Variants in CUX1 observed in about 807,000 individuals in gnomAD.
CUX1 encodes protein CASP.
In CUX1, 31 loss-of-function variants were observed where a neutral mutation model predicts 158.8. The observed-to-expected ratio is 0.20, with a 90% confidence interval of 0.15 to 0.26. The LOEUF is 0.26. Among genes scored for constraint, CUX1 ranks in the 10% least tolerant of loss-of-function variants. The probability of loss-of-function intolerance (pLI) is 1.00; values close to 1 mark genes in which losing one functional copy is unlikely to be tolerated. For missense variants in CUX1, 1,589 were observed against 2,014.6 expected, an observed-to-expected ratio of 0.79 and a Z score of 4.04; for synonymous variants, 879 against 862.1, an observed-to-expected ratio of 1.02 and a Z score of -0.34.
chr7:102,063,523 G>T (rs1393911504), intron 3 of CUX1, among the ~76,000 whole-genome samples: 1 of 151,658 alleles, frequency 6.6e-6, no homozygotes, highest in Non-Finnish European at 1.5e-5. Flanking sequence ...CAAGTAGCTG[G>T]AATTACAGGC....
intron 1 of CUX1, among the ~76,000 whole-genome samples, chr7:101,827,761 G>A (rs1793513743): frequency 6.6e-6 from 1 of 152,130 alleles, no homozygotes; most frequent in African/African-American, 2.4e-5. Context: ...TAAAGAAAAT[G>A]TTATTAAGAA....
In CUX1 at chr7:102,201,806, T is replaced by G. The variant is rs988583082; in HGVS notation, c.2509T>G (p.Ser837Ala). 15 of 1,612,488 alleles carry G rather than the reference T, an allele frequency of 9.3e-6. No individual in the cohort carries two copies. The highest frequency in any genetic ancestry group is 1.2e-5 in the Non-Finnish European group (14 of 1,179,858). ...GCAGCCGGAGAGAAGAAATGCCGCC[T>G]CCTCCGAGGAGGCCAAGGCCGAAGA... ...AVQPERRNAASSEEAKAEETG... is the reference protein window; with the variant it reads ...AVQPERRNAAASEEAKAEETG... The change falls in exon 18 of 24, where the codon TCC becomes GCC. Residue 837 changes from serine to alanine, a missense_variant. This residue lies in a region of CUX1 where 337 missense variants were observed against 409.3 expected (regional missense o/e 0.82). Transcript: ENST00000292535. The surrounding 1 kb of genome is among the most constrained non-coding windows in gnomAD (Gnocchi z 5.0).
chr7:102,064,368 C>T (rs78994275), intron 3 of CUX1, among the ~76,000 whole-genome samples: 10 of 152,140 alleles, frequency 6.6e-5, no homozygotes, highest in African/African-American at 9.7e-5. Flanking sequence ...TTTAAGGGCA[C>T]GGTACCTACC....
At position 102,251,068 on chromosome 7, in the gene CUX1, G is replaced by A. The variant is rs544128688; in HGVS notation, c.*2026G>A. 14 of 985,050 alleles carry A rather than the reference G, an allele frequency of 1.4e-5. No homozygotes were observed. Among genetic ancestry groups the A allele is most frequent in the South Asian group, 9.4e-5 (2 of 21,268 alleles). The allele number at this position is 985,050 out of a possible 1,614,324, so 61.0% of individuals were successfully genotyped here. ...ATATTCTTTAGAGGGATAGACTGCC[G>A]GCAGTATTGGGTATAATTTACAAGA... is the stretch of plus-strand genomic sequence containing the variant. On this transcript the variant is annotated 3_prime_UTR_variant, in exon 24 of 24. Coordinates refer to ENST00000292535, the MANE Select transcript of CUX1 (RefSeq NM_181552.4).
At chr7:101,879,758 A>G (rs781129207) in intron 1 of CUX1, among the ~76,000 whole-genome samples, 2 of 152,214 alleles carry the variant, frequency 1.3e-5, no homozygotes, top group Non-Finnish European at 2.9e-5. Context: ...TCCTTGGTGG[A>G]GCTCCAGCAT....
In CUX1 at chr7:102,148,544, AAAAC is replaced by A. The variant is rs546903161; in HGVS notation, c.675-10004_675-10001del. On this transcript the variant is annotated intron_variant, in intron 8 of 23. Coordinates refer to ENST00000292535, the MANE Select transcript of CUX1 (RefSeq NM_181552.4). ...GGCAACAGACCAAGACTCCGTATCA[AAAAC>A]AAACAAACAAAAAAACAAAAAACAA... Among the ~76,000 whole-genome samples the A allele has an allele frequency of 4.5e-4, 68 of 152,060 alleles. No individual in the cohort carries two copies. In the East Asian group the frequency reaches 0.011, roughly 25 times the overall value.
intron 11 of CUX1, among the ~76,000 whole-genome samples, chr7:102,179,730 A>G (rs1387028733): frequency 6.6e-6 from 1 of 152,222 alleles, no homozygotes; most frequent in Non-Finnish European, 1.5e-5. Flanking sequence ...CTTCAGAGCC[A>G]GGGGAGACTC....
intron 12 of CUX1, among the ~76,000 whole-genome samples, chr7:102,192,063 G>C (rs1794336755): frequency 6.6e-6 from 1 of 152,152 alleles, no homozygotes; most frequent in Admixed American, 6.5e-5. Flanking sequence ...TGGCTTCTTT[G>C]CCCAAATGCG....
rs564727145 is a variant in CUX1, at chr7:102,195,455, G to C, written c.1126-52G>C. On this transcript the variant is annotated intron_variant, in intron 13 of 23. Transcript: ENST00000292535. ...AGGGCTCCAGGCCTGGTGGCCCCGG[G>C]AGCGGGTGAGTGGCCGGCCCCGCAG... The C allele has an allele frequency of 6.8e-6, 10 of 1,473,128 alleles. No individual in the cohort carries two copies. In the Admixed American group the frequency reaches 1.5e-4, roughly 22 times the overall value. 91.3% of individuals were successfully genotyped at this position (1,473,128 alleles called of 1,614,324 possible).
Position 102,257,587 on chromosome 7 carries a change from ACT to A in CUX1, c.*8548_*8549del. On this transcript the variant is annotated 3_prime_UTR_variant, in exon 24 of 24. Transcript: ENST00000292535. ...CCTAGTTCTTTGCGTTTGTGCAATA[ACT>A]CTTTGCTGCTTGCCTTGAGAGCGGG... 3.0e-6 allele frequency: 3 copies of A among 985,226 alleles called. No homozygotes were observed. The highest frequency in any genetic ancestry group is 3.6e-6 in the Non-Finnish European group (3 of 829,892). The allele number at this position is 985,226 out of a possible 1,614,324, so 61.0% of individuals were successfully genotyped here.
In CUX1 at chr7:102,195,044, C is replaced by A. The variant is rs561644409; in HGVS notation, c.1126-463C>A. On this transcript the variant is annotated intron_variant, in intron 13 of 23. Transcript: ENST00000292535. ...ATCTCAAAAAATTAAAAAATCAAAT[C>A]AAATAAAATTGACATCCTAAGTGGA... Among the ~76,000 whole-genome samples, 14 of 149,118 alleles carry A rather than the reference C, an allele frequency of 9.4e-5. 1 individual carries two copies. The South Asian group carries it at 1.9e-3, about 20-fold the overall frequency.
chr7:101,900,927 C>A (rs1368528995), intron 1 of CUX1, among the ~76,000 whole-genome samples: 4 of 152,208 alleles, frequency 2.6e-5, no homozygotes, highest in Admixed American at 6.5e-5. Context: ...TACTTAATCA[C>A]TGAAGAATCT....
chr7:102,168,097 A>AC (rs1791253293), intron 9 of CUX1, among the ~76,000 whole-genome samples: 1 of 152,020 alleles, frequency 6.6e-6, no homozygotes, highest in African/African-American at 2.4e-5. Context: ...AAAAAAAAAA[A>AC]AAAACCAGTT....
chr7:101,908,007 G>A (rs552412281), intron 1 of CUX1, among the ~76,000 whole-genome samples: 4 of 152,026 alleles, frequency 2.6e-5, no homozygotes, highest in East Asian at 3.9e-4. Context: ...TTACATTTAC[G>A]TGCTTAAAAT....
intron 11 of CUX1, among the ~76,000 whole-genome samples, chr7:102,185,362 A>G (rs1406899922): frequency 6.6e-6 from 1 of 152,222 alleles, no homozygotes; most frequent in Non-Finnish European, 1.5e-5. Flanking sequence ...TTTATAGATA[A>G]GGAAACTGAG....
At chr7:101,891,555 C>T (rs567753028) in intron 1 of CUX1, among the ~76,000 whole-genome samples, 123 of 152,262 alleles carry the variant, frequency 8.1e-4, no homozygotes, top group African/African-American at 2.7e-3. Context: ...ACTTAATGAT[C>T]GGGGTTTACT....
At chr7:102,209,067 G>A (rs1442714171) in intron 20 of CUX1, among the ~76,000 whole-genome samples, 1 of 152,192 alleles carries the variant, frequency 6.6e-6, no homozygotes, top group Admixed American at 6.5e-5. Flanking sequence ...TTACCATGGT[G>A]ATCAGGTGCC....
intron 2 of CUX1, among the ~76,000 whole-genome samples, chr7:101,957,829 T>A (rs1809957632): frequency 6.6e-6 from 1 of 152,140 alleles, no homozygotes; most frequent in Non-Finnish European, 1.5e-5. Context: ...TTTGAAAGAC[T>A]CTTCGTACTT....
intron 3 of CUX1, among the ~76,000 whole-genome samples, chr7:102,065,897 TC>T (rs1825498175): frequency 1.3e-5 from 2 of 151,438 alleles, no homozygotes; most frequent in Admixed American, 6.6e-5. Flanking sequence ...TTCAAGCAAT[TC>T]TCCTGTCTCA....
Sources: gnomAD v4.1 joint callset for allele counts (sites outside exome capture counted in the v4.1 genomes callset) on GRCh38, gnomAD v4.1.1 for gene constraint, gnomAD v4.1.1 regional missense constraint, Gnocchi (gnomAD v3.1) non-coding constraint, MANE v1.5 for transcripts, NCBI Gene and HGNC (gene_info 2026-07-23, HGNC 2026-07-21) for gene names.